WDHD1: variants seen among roughly 807,000 people sequenced by gnomAD.
WDHD1 encodes WD repeat and HMG-box DNA binding protein 1.
WDHD1 carries 111 observed loss-of-function variants against 135.4 expected under a neutral mutation model. The observed-to-expected ratio is 0.82, with a 90% confidence interval of 0.70 to 0.96. The LOEUF is 0.96. WDHD1 is among the 40% of genes least tolerant of loss of function. WDHD1 has a pLI of 0.00. For missense variants in WDHD1, 1,351 were observed against 1,336.3 expected (o/e 1.01, Z -0.17); for synonymous variants, 434 against 439.0 (o/e 0.99, Z 0.14).
intron 24 of WDHD1, among the ~76,000 whole-genome samples, chr14:54,945,908 A>G (rs765050592): frequency 2.8e-4 from 42 of 152,302 alleles, no homozygotes; most frequent in South Asian, 1.9e-3. Flanking sequence ...AATCCTAAAT[A>G]AAAAGTCTAA....
intron 7 of WDHD1, 36 bp downstream of exon 7, chr14:55,007,244 A>AG: frequency 1.3e-6 from 2 of 1,495,824 alleles, no homozygotes; most frequent in East Asian, 2.3e-5. Context: ...AAAAAAAAAA[A>AG]AAAAAGAAAA....
At chr14:54,990,095 T>C (rs1435799524) in intron 12 of WDHD1, among the ~76,000 whole-genome samples, 1 of 152,108 alleles carries the variant, frequency 6.6e-6, no homozygotes, top group Non-Finnish European at 1.5e-5. Flanking sequence ...AAATAAAATA[T>C]TGACACTAAT....
chr14:54,954,667 A>C (rs577427765), intron 24 of WDHD1, among the ~76,000 whole-genome samples: 2 of 152,338 alleles, frequency 1.3e-5, no homozygotes, highest in African/African-American at 4.8e-5. Context: ...TTTTCTATCT[A>C]TCCATCCATT....
intron 16 of WDHD1, among the ~76,000 whole-genome samples, chr14:54,980,268 G>A (rs1233286411): frequency 1.3e-5 from 2 of 151,808 alleles, no homozygotes; most frequent in Non-Finnish European, 2.9e-5. Context: ...AGCCTGAAGT[G>A]AGACATAATC....
intron 2 of WDHD1, among the ~76,000 whole-genome samples, chr14:55,025,379 G>C (rs1342584702): frequency 1.3e-5 from 2 of 151,548 alleles, no homozygotes; most frequent in African/African-American, 4.9e-5. Context: ...TATGCTGAAC[G>C]CTGGTTCCCC....
intron 18 of WDHD1, among the ~76,000 whole-genome samples, chr14:54,964,484 C>T (rs1303124814): frequency 6.6e-6 from 1 of 151,876 alleles, no homozygotes; most frequent in Admixed American, 6.6e-5. Context: ...ATTAAAAATA[C>T]AAAAAATTAG....
At chr14:54,993,395 C>T (rs1318177725) in intron 11 of WDHD1, among the ~76,000 whole-genome samples, 1 of 152,104 alleles carries the variant, frequency 6.6e-6, no homozygotes, top group Non-Finnish European at 1.5e-5. Context: ...GCTGGGATTA[C>T]AGGTGAGAGC....
At chr14:55,013,970 T>A (rs1039709465) in intron 2 of WDHD1, among the ~76,000 whole-genome samples, 4 of 152,196 alleles carry the variant, frequency 2.6e-5, no homozygotes, top group Non-Finnish European at 5.9e-5. Context: ...CTTCTATATT[T>A]ACCACTTTTT....
intron 18 of WDHD1, among the ~76,000 whole-genome samples, chr14:54,965,453 C>T (rs1016996016): frequency 2.6e-5 from 4 of 152,212 alleles, no homozygotes; most frequent in Non-Finnish European, 5.9e-5. Context: ...GCATATCTAA[C>T]AGCCCGATCA....
intron 14 of WDHD1, among the ~76,000 whole-genome samples, chr14:54,986,267 C>T (rs2041692651): frequency 1.3e-5 from 2 of 152,094 alleles, no homozygotes; most frequent in Admixed American, 6.5e-5. Context: ...GTCCAGGAGA[C>T]TTTTATTTCA....
intron 10 of WDHD1, among the ~76,000 whole-genome samples, chr14:54,998,338 C>T (rs924683693): frequency 1.3e-5 from 2 of 152,008 alleles, no homozygotes; most frequent in Admixed American, 1.3e-4. Context: ...TCATGTTGGC[C>T]AGGCTGGTCT....
At chr14:55,006,693 AGACT>A (rs1354080859) in intron 7 of WDHD1, among the ~76,000 whole-genome samples, 1 of 152,200 alleles carries the variant, frequency 6.6e-6, no homozygotes, top group Non-Finnish European at 1.5e-5. Context: ...GGACATAATA[AGACT>A]GTCTCCAGAG....
intron 2 of WDHD1, among the ~76,000 whole-genome samples, chr14:55,018,253 T>C (rs892110551): frequency 6.6e-6 from 1 of 152,190 alleles, no homozygotes; most frequent in Non-Finnish European, 1.5e-5. Flanking sequence ...ACTTAAGCTT[T>C]TGAAGCTTTT....
Position 54,963,124 on chromosome 14 carries a change from G to A in WDHD1, c.2359C>T (p.Leu787=), listed in dbSNP as rs780757028. Reference sequence around the variant, plus strand: ...AAATTCACAGCATTTTGAGTCATTAGATCAGCAAGTTCCACACAACGGAAT... The same window carrying A: ...AAATTCACAGCATTTTGAGTCATTAAATCAGCAAGTTCCACACAACGGAAT... The part of the protein sequence containing the change: ...REFRCVELAD[L]MTQNAVNLAI... Residue 787 remains leucine, a synonymous_variant, in exon 19 of 26, where the codon CTA becomes TTA. Coordinates refer to ENST00000360586, the MANE Select transcript of WDHD1 (RefSeq NM_007086.4). The A allele has an allele frequency of 7.5e-7, 1 of 1,342,020 alleles. No individual in the cohort carries two copies. Among genetic ancestry groups the A allele is most frequent in the East Asian group, 4.7e-5 (1 of 21,152 alleles). The allele number at this position is 1,342,020 out of a possible 1,614,324, so 83.1% of individuals were successfully genotyped here. A position where few individuals can be genotyped will look rare whatever the true frequency, so the allele number is the denominator to read the frequency against.
chr14:54,990,003 C>T (rs1371155435), intron 12 of WDHD1, among the ~76,000 whole-genome samples: 3 of 152,048 alleles, frequency 2.0e-5, no homozygotes, highest in Non-Finnish European at 1.5e-5. Flanking sequence ...AACTTATCTT[C>T]CACTGATGTC....
At chr14:54,988,917 T>C (rs2041739118) in intron 13 of WDHD1, 111 bp downstream of exon 13, 2 of 992,208 alleles carry the variant, frequency 2.0e-6, no homozygotes, top group South Asian at 1.9e-5. Flanking sequence ...TCTTCTGAAA[T>C]TTCATATTAC....
intron 15 of WDHD1, among the ~76,000 whole-genome samples, chr14:54,984,218 G>T (rs950481481): frequency 3.3e-5 from 5 of 152,168 alleles, no homozygotes; most frequent in African/African-American, 1.2e-4. Flanking sequence ...CTCTTAGCCG[G>T]GTGCAGTGGC....
chr14:54,986,237 A>T (rs918234274), intron 14 of WDHD1, among the ~76,000 whole-genome samples: 1 of 152,250 alleles, frequency 6.6e-6, no homozygotes, highest in Non-Finnish European at 1.5e-5. Context: ...ATTTAAACTG[A>T]TATCAAAAGA....
intron 25 of WDHD1, among the ~76,000 whole-genome samples, chr14:54,942,292 A>T (rs2040853141): frequency 6.6e-6 from 1 of 151,770 alleles, no homozygotes; most frequent in Admixed American, 6.6e-5. Context: ...TAAAAATGAA[A>T]CTTTTTATTC....
Sources: allele counts gnomAD v4.1 joint callset (sites outside exome capture counted in the v4.1 genomes callset), GRCh38; gene constraint gnomAD v4.1.1; transcripts MANE v1.5; gene names NCBI Gene and HGNC (gene_info 2026-07-23, HGNC 2026-07-21).